PAFAH1B2: variants seen among roughly 807,000 people sequenced by gnomAD.
PAFAH1B2 encodes platelet activating factor acetylhydrolase 1b catalytic subunit 2, also known as platelet-activating factor acetylhydrolase IB subunit alpha2.
In PAFAH1B2, 8 loss-of-function variants were observed where a neutral mutation model predicts 28.0. The ratio of observed to expected loss-of-function variants is 0.29; its 90% CI spans 0.17 to 0.52. PAFAH1B2 has a LOEUF of 0.52. Ranked by LOEUF, PAFAH1B2 falls within the 20% of genes least tolerant of loss-of-function variation. PAFAH1B2 has a pLI of 0.97. For missense variants in PAFAH1B2, 190 were observed against 282.6 expected (o/e 0.67, Z 2.35); for synonymous variants, 104 against 103.2 (o/e 1.01, Z -0.05).
chr11:117,151,256 G>C (rs960022127), intron 1 of PAFAH1B2, among the ~76,000 whole-genome samples: 1 of 139,514 alleles, frequency 7.2e-6, no homozygotes, highest in Non-Finnish European at 1.5e-5. Context: ...TTGAGATGGA[G>C]TCTGGCTCTG....
chr11:117,167,753 C>T lies in PAFAH1B2; in HGVS notation c.*54C>T. 1 of 1,438,798 alleles carries T rather than the reference C, an allele frequency of 7.0e-7. No individual in the cohort carries two copies. Among genetic ancestry groups the T allele is most frequent in the Non-Finnish European group, 9.2e-7 (1 of 1,091,024 alleles). 89.1% of individuals were successfully genotyped at this position (1,438,798 alleles called of 1,614,324 possible). On this transcript the variant is annotated 3_prime_UTR_variant, in exon 6 of 6. Transcript: ENST00000527958. ...CAGCTTCCTCAGATCAGTTCTATCA[C>T]TGGCACTACAGAATCCTTCTCTTTC...
intron 2 of PAFAH1B2, among the ~76,000 whole-genome samples, chr11:117,153,036 AGCCTG>A (rs547316838): frequency 2.8e-4 from 43 of 152,346 alleles, no homozygotes; most frequent in Admixed American, 2.5e-3. Flanking sequence ...ACTGCACTCC[AGCCTG>A]GCAACAGAGC....
In PAFAH1B2 at chr11:117,150,376, C is replaced by T. The variant is rs559990132; in HGVS notation, c.-7-2065C>T. 3.4e-4 allele frequency among the ~76,000 whole-genome samples: 51 copies of T among 150,042 alleles called. 1 individual carries two copies. The highest frequency in any genetic ancestry group is 1.5e-5 in the Non-Finnish European group (1 of 67,966). ...TGTTGGCCAGGCTGGTCTTGAACTCCTGACCTCAAGCGATCCACCTGCTTT... is the reference window on the plus strand; with the variant it reads ...TGTTGGCCAGGCTGGTCTTGAACTCTTGACCTCAAGCGATCCACCTGCTTT... On this transcript the variant is annotated intron_variant, in intron 1 of 5. Coordinates refer to ENST00000527958, the MANE Select transcript of PAFAH1B2 (RefSeq NM_002572.4).
chr11:117,164,071 C>G, intron 5 of PAFAH1B2, 179 bp downstream of exon 5: 1 of 592,490 alleles, frequency 1.7e-6, no homozygotes, highest in South Asian at 2.2e-5. Flanking sequence ...TTCCCCATAC[C>G]AGCTGTGGGG....
chr11:117,165,243 C>T (rs190361108), intron 5 of PAFAH1B2, among the ~76,000 whole-genome samples: 1 of 150,838 alleles, frequency 6.6e-6, no homozygotes. Flanking sequence ...TGAGCCATCA[C>T]GCCTGGCTGA....
At chr11:117,154,348 G>A (rs946285283) in intron 2 of PAFAH1B2, among the ~76,000 whole-genome samples, 7 of 152,272 alleles carry the variant, frequency 4.6e-5, no homozygotes, top group Non-Finnish European at 1.5e-5. Flanking sequence ...CATTATTCTT[G>A]TCTTAAGTTA....
At chr11:117,174,612 G>A (rs1287692104), downstream of PAFAH1B2, among the ~76,000 whole-genome samples, 1 of 152,084 alleles carries the variant, frequency 6.6e-6, no homozygotes, top group Admixed American at 6.5e-5. Context: ...CGAAGTAGCC[G>A]GGATCATAAG....
chr11:117,144,747 C>CCCT (rs1555026674), intron 1 of PAFAH1B2, among the ~76,000 whole-genome samples: 4,477 of 152,020 alleles, frequency 0.029, 95 homozygotes, highest in Non-Finnish European at 0.036. Flanking sequence ...CGCCCCGCCC[C>CCCT]GCCCTGCCCT....
chr11:117,153,755 A>G (rs188377545), intron 2 of PAFAH1B2, among the ~76,000 whole-genome samples: 43 of 152,088 alleles, frequency 2.8e-4, no homozygotes, highest in African/African-American at 8.9e-4. Context: ...ATTTGCACTC[A>G]TTTCCCTTAT....
chr11:117,168,446 G>GTTTGTTTTTTTGTTT lies in PAFAH1B2; in HGVS notation c.*750_*751insGTTTTTTTGTTTTTT. The GTTTGTTTTTTTGTTT allele has an allele frequency of 4.3e-6, 1 of 234,820 alleles. No individual in the cohort carries two copies. The highest frequency in any genetic ancestry group is 5.0e-6 in the Non-Finnish European group (1 of 200,708). 14.5% of individuals were successfully genotyped at this position (234,820 alleles called of 1,614,324 possible). A position where few individuals can be genotyped will look rare whatever the true frequency, so the allele number is the denominator to read the frequency against. ...TCCCCTTCATTCCCCCCGCCACCCC[G>GTTTGTTTTTTTGTTT]TTTTTTTTTTTTTTTTTTTTTTTTT... On this transcript the variant is annotated 3_prime_UTR_variant, in exon 6 of 6. Coordinates refer to ENST00000527958, the MANE Select transcript of PAFAH1B2 (RefSeq NM_002572.4).
chr11:117,174,912 G>A (rs1235705170), downstream of PAFAH1B2: 2 of 1,526,412 alleles, frequency 1.3e-6, no homozygotes, highest in South Asian at 1.2e-5. Context: ...ACCGCACCAG[G>A]CCATCTTCAG....
chr11:117,163,409 C>CA (rs1555031763), intron 4 of PAFAH1B2, among the ~76,000 whole-genome samples: 16 of 152,180 alleles, frequency 1.1e-4, no homozygotes, highest in Non-Finnish European at 1.5e-5. Context: ...TGGTGGCTCA[C>CA]ACCTGTAATC....
chr11:117,163,672 CAAAAAAAAAA>C, intron 4 of PAFAH1B2, 88 bp from the exon 5 acceptor site: 3 of 1,064,110 alleles, frequency 2.8e-6, no homozygotes, highest in Admixed American at 4.8e-5. Flanking sequence ...GACCCCATCT[CAAAAAAAAAA>C]AAAAAAAAGA....
chr11:117,168,265 C>T lies in PAFAH1B2; in HGVS notation c.*566C>T, dbSNP rs1009924342. The stretch of plus-strand genomic sequence containing the variant: ...TATAGTTAGAAGTGAATTTGTTCTG[C>T]TTTCTTAATCTTTTCCATGCTTAGC... On this transcript the variant is annotated 3_prime_UTR_variant, in exon 6 of 6. Coordinates refer to ENST00000527958, the MANE Select transcript of PAFAH1B2 (RefSeq NM_002572.4). 9.4e-7 allele frequency: 1 copy of T among 1,062,402 alleles called. No homozygotes were observed. Among genetic ancestry groups the T allele is most frequent in the Non-Finnish European group, 1.1e-6 (1 of 877,568 alleles). The allele number at this position is 1,062,402 out of a possible 1,614,324, so 65.8% of individuals were successfully genotyped here. A position where few individuals can be genotyped will look rare whatever the true frequency, so the allele number is the denominator to read the frequency against.
downstream of PAFAH1B2, among the ~76,000 whole-genome samples, chr11:117,172,373 TATATATATATATATATATATATATA>T (rs1565278683): frequency 0.017 from 87 of 5,014 alleles, 3 homozygotes; most frequent in African/African-American, 0.036. Flanking sequence ...TATATATATA[TATATATATATATATATATATATATA>T]TATATATTTT....
intron 1 of PAFAH1B2, among the ~76,000 whole-genome samples, chr11:117,150,306 G>C (rs931719779): frequency 6.6e-6 from 1 of 152,036 alleles, no homozygotes; most frequent in Non-Finnish European, 1.5e-5. Context: ...GTTCCACCAT[G>C]CCCGGCTAAT....
In PAFAH1B2 at chr11:117,154,863, A is replaced by C. The variant is rs76031655; in HGVS notation, c.81+2335A>C. 4.6e-3 allele frequency among the ~76,000 whole-genome samples: 702 copies of C among 152,330 alleles called. 7 individuals carry two copies. Among genetic ancestry groups the C allele is most frequent in the Middle Eastern group, 0.017 (5 of 294 alleles). On this transcript the variant is annotated intron_variant, in intron 2 of 5. Coordinates refer to ENST00000527958, the MANE Select transcript of PAFAH1B2 (RefSeq NM_002572.4). ...AGTAGTTGGGAGTATGACTGAAATA[A>C]TGCAGGCCATAAATGATTGCTGTAG...
intron 1 of PAFAH1B2, among the ~76,000 whole-genome samples, 165 bp from the exon 2 acceptor site, chr11:117,152,276 A>T (rs1956169098): frequency 6.6e-6 from 1 of 152,228 alleles, no homozygotes; most frequent in African/African-American, 2.4e-5. Context: ...CATGTTCTGC[A>T]ATTCATCTCT....
chr11:117,148,052 T>C (rs1213913260), intron 1 of PAFAH1B2, among the ~76,000 whole-genome samples: 3 of 149,646 alleles, frequency 2.0e-5, no homozygotes, highest in African/African-American at 7.5e-5. Context: ...TTTCTTTTTT[T>C]TTTCTTTTTT....
Sources: allele counts gnomAD v4.1 joint callset (sites outside exome capture counted in the v4.1 genomes callset), GRCh38; gene constraint gnomAD v4.1.1; transcripts MANE v1.5; gene names NCBI Gene and HGNC (gene_info 2026-07-23, HGNC 2026-07-21).